The following STAU2 variants were observed in gnomAD, a reference collection of about 807,000 sequenced individuals.
The protein encoded by STAU2 is double-stranded RNA-binding protein Staufen homolog 2.
STAU2 carries 20 observed loss-of-function variants against 65.9 expected under a neutral mutation model. That is an observed-to-expected ratio of 0.30 (90% CI 0.21 to 0.44). The LOEUF is 0.44. Among genes scored for constraint, STAU2 ranks in the 20% least tolerant of loss-of-function variants. STAU2 has a pLI of 1.00. For synonymous variants in STAU2, 232 were observed against 233.9 expected (o/e 0.99, Z 0.07); for missense variants, 558 against 683.9 (o/e 0.82, Z 2.05).
intron 3 of STAU2, among the ~76,000 whole-genome samples, chr8:73,721,263 G>A (rs78995730): frequency 3.9e-5 from 4 of 103,132 alleles, no homozygotes; most frequent in Middle Eastern, 8.5e-3. Flanking sequence ...TCACTACAGC[G>A]TGAACAAAGC....
At chr8:73,694,531 G>C in intron 4 of STAU2, among the ~76,000 whole-genome samples, 1 of 152,152 alleles carries the variant, frequency 6.6e-6, no homozygotes, top group East Asian at 1.9e-4. Flanking sequence ...AAATTACAGA[G>C]GAGGGTAGAG....
At chr8:73,514,040 G>C (rs1039814850) in intron 13 of STAU2, among the ~76,000 whole-genome samples, 1 of 152,100 alleles carries the variant, frequency 6.6e-6, no homozygotes, top group Non-Finnish European at 1.5e-5. Context: ...TGCTGTTTTT[G>C]ACAATTTTGT....
rs549512556 is a variant in STAU2, at chr8:73,467,550, TA to T, written c.1531-44849del. On this transcript the variant is annotated intron_variant, in intron 13 of 14. Transcript: ENST00000524300. ...GTCTCAAATAAATAAATAAATAATT[TA>T]AAAAAATTGATTAGTTCTTCTCACA... Among the ~76,000 whole-genome samples the T allele has an allele frequency of 1.4e-4, 21 of 152,104 alleles. No homozygotes were observed. The South Asian group carries it at 3.5e-3, about 26-fold the overall frequency.
At chr8:73,435,899 CGAGAG>C (rs1817648489) in intron 13 of STAU2, among the ~76,000 whole-genome samples, 1 of 151,720 alleles carries the variant, frequency 6.6e-6, no homozygotes, top group South Asian at 2.1e-4. Context: ...ACCTCTCGCC[CGAGAG>C]GAGCCTGGGT....
intron 4 of STAU2, among the ~76,000 whole-genome samples, chr8:73,698,222 G>A (rs1195071237): frequency 6.6e-6 from 1 of 151,876 alleles, no homozygotes; most frequent in Non-Finnish European, 1.5e-5. Context: ...TTCACTAAAA[G>A]GAAGACAGGA....
chr8:73,564,849 C>T (rs1808485552), intron 12 of STAU2, among the ~76,000 whole-genome samples: 1 of 152,144 alleles, frequency 6.6e-6, no homozygotes, highest in South Asian at 2.1e-4. Flanking sequence ...TTTCATCCCA[C>T]ATTTAAAAGA....
At chr8:73,615,185 T>A (rs912755682) in intron 8 of STAU2, among the ~76,000 whole-genome samples, 2 of 152,162 alleles carry the variant, frequency 1.3e-5, no homozygotes, top group Admixed American at 1.3e-4. Context: ...ATTTTATGAA[T>A]ATATTTGCAA....
intron 12 of STAU2, among the ~76,000 whole-genome samples, chr8:73,575,890 G>A (rs1389995572): frequency 6.6e-6 from 1 of 151,862 alleles, no homozygotes; most frequent in African/African-American, 2.4e-5. Flanking sequence ...AAAATACGGA[G>A]AGCTGTTTTG....
chr8:73,658,943 C>CAACAAAAAAAA (rs373405572), intron 6 of STAU2, among the ~76,000 whole-genome samples: 9 of 141,890 alleles, frequency 6.3e-5, no homozygotes, highest in African/African-American at 1.8e-4. Flanking sequence ...ACAAAAACAA[C>CAACAAAAAAAA]AAAAAAAAAA....
intron 3 of STAU2, among the ~76,000 whole-genome samples, chr8:73,724,285 G>A (rs563501853): frequency 4.6e-5 from 7 of 152,194 alleles, no homozygotes; most frequent in Non-Finnish European, 2.9e-5. Flanking sequence ...CAGTAAACAC[G>A]ATCCTTGTTA....
chr8:73,527,535 C>A lies in STAU2; in HGVS notation c.1530+24477G>T, dbSNP rs555312534. The A allele has an allele frequency of 1.3e-5, 6 of 462,432 alleles. No individual in the cohort carries two copies. In the South Asian group the frequency reaches 2.3e-4, roughly 18 times the overall value. 28.6% of individuals were successfully genotyped at this position (462,432 alleles called of 1,614,324 possible). On this transcript the variant is annotated intron_variant, in intron 13 of 14. Coordinates refer to ENST00000524300, the MANE Select transcript of STAU2 (RefSeq NM_001164380.2). Reference sequence around the variant, plus strand: ...ATCTACTATGATATCAATTTCCCAACACAAACAATTTTGATTTTTCAAGTC... The same window carrying A: ...ATCTACTATGATATCAATTTCCCAAAACAAACAATTTTGATTTTTCAAGTC...
chr8:73,647,497 G>A (rs1455268408), intron 6 of STAU2, among the ~76,000 whole-genome samples: 1 of 151,922 alleles, frequency 6.6e-6, no homozygotes, highest in Non-Finnish European at 1.5e-5. Context: ...AAGGGCTAGA[G>A]ATAGTAGGGT....
chr8:73,654,660 A>AAAAAAAAAAAAAAAAAAT (rs1176341683), intron 6 of STAU2, among the ~76,000 whole-genome samples: 1 of 141,470 alleles, frequency 7.1e-6, no homozygotes, highest in Non-Finnish European at 1.5e-5. Flanking sequence ...AAAAAAAAAA[A>AAAAAAAAAAAAAAAAAAT]AGAACTCTTT....
At chr8:73,439,798 G>A (rs1042341204) in intron 13 of STAU2, 4 of 152,272 alleles carry the variant, frequency 2.6e-5, no homozygotes, top group African/African-American at 2.4e-5. Context: ...AGTTAAAGAC[G>A]AGGAGACGGA....
At chr8:73,726,008 G>GTT (rs755019951) in intron 3 of STAU2, among the ~76,000 whole-genome samples, 27,990 of 144,486 alleles carry the variant, frequency 0.19, 2,874 homozygotes, top group East Asian at 0.36. Context: ...GCGTGGTTAG[G>GTT]TTTTTTTTTT....
chr8:73,738,445 A>ATTAC, intron 2 of STAU2, 96 bp from the exon 3 acceptor site: 1 of 841,330 alleles, frequency 1.2e-6, no homozygotes, highest in Non-Finnish European at 1.8e-6. Context: ...TCAAATATAA[A>ATTAC]ATGTAATTTA....
intron 13 of STAU2, among the ~76,000 whole-genome samples, chr8:73,429,477 C>T (rs544937885): frequency 4.2e-5 from 5 of 120,066 alleles, no homozygotes; most frequent in Admixed American, 3.1e-4. Context: ...CTGTTGCTCA[C>T]GCTGGAGTGC....
intron 5 of STAU2, among the ~76,000 whole-genome samples, chr8:73,687,189 C>T (rs1417060358): frequency 7.7e-6 from 1 of 130,644 alleles, no homozygotes; most frequent in African/African-American, 2.9e-5. Context: ...ATAATATATA[C>T]AATATATTAT....
intron 6 of STAU2, among the ~76,000 whole-genome samples, chr8:73,642,351 C>T (rs1316737484): frequency 2.6e-5 from 4 of 152,026 alleles, no homozygotes; most frequent in Admixed American, 6.6e-5. Context: ...GGTGAAACCC[C>T]ATCTCTACTA....
Sources: gnomAD v4.1 joint callset for allele counts (sites outside exome capture counted in the v4.1 genomes callset) on GRCh38, gnomAD v4.1.1 for gene constraint, MANE v1.5 for transcripts, NCBI Gene and HGNC (gene_info 2026-07-23, HGNC 2026-07-21) for gene names.